Variants in INTS2 observed in about 807,000 individuals in gnomAD.
INTS2 encodes integrator complex subunit 2.
INTS2 carries 57 observed loss-of-function variants against 139.6 expected under a neutral mutation model. The ratio of observed to expected loss-of-function variants is 0.41; its 90% CI spans 0.33 to 0.51. The LOEUF (loss-of-function observed/expected upper bound fraction) is 0.51. Among genes scored for constraint, INTS2 ranks in the 20% least tolerant of loss-of-function variants. INTS2 has a pLI of 0.28. For missense variants in INTS2, 1,196 were observed against 1,436.7 expected, an observed-to-expected ratio of 0.83 and a Z score of 2.71; for synonymous variants, 473 against 493.4, an observed-to-expected ratio of 0.96 and a Z score of 0.55.
rs544093067 is a variant in INTS2 at position 61,869,243 on chromosome 17, A to G, written c.3138+30T>C. The G allele has an allele frequency of 3.4e-5, 52 of 1,511,956 alleles. No individual in the cohort carries two copies. Among genetic ancestry groups the G allele is most frequent in the East Asian group, 1.2e-4 (5 of 43,422 alleles). 93.7% of individuals were successfully genotyped at this position (1,511,956 alleles called of 1,614,324 possible). A position where few individuals can be genotyped will look rare whatever the true frequency, so the allele number is the denominator to read the frequency against. ...CTAGTAAGACTGGAGAGAGAGATCA[A>G]TTGTCCTAAAGCTCCAAAATGCTCA... On this transcript the variant is annotated intron_variant, in intron 22 of 24. Transcript: ENST00000251334. The surrounding 1 kb of genome is among the most constrained non-coding windows in gnomAD (Gnocchi z 5.4).
intron 7 of INTS2, 107 bp downstream of exon 7, chr17:61,911,413 G>C: frequency 1.1e-6 from 1 of 917,294 alleles, no homozygotes; most frequent in Non-Finnish European, 1.5e-6. Flanking sequence ...AAACTAGAAA[G>C]TGTGAGAACC....
intron 17 of INTS2, among the ~76,000 whole-genome samples, chr17:61,879,849 A>T (rs928272622): frequency 1.3e-5 from 2 of 152,190 alleles, no homozygotes; most frequent in African/African-American, 4.8e-5. Flanking sequence ...CAAAAAAAAT[A>T]AAGAAAAGAA....
Position 61,907,636 on chromosome 17 carries a change from TGAAA to T in INTS2, c.955-6_955-3del. The T allele has an allele frequency of 1.3e-6, 2 of 1,568,660 alleles. No individual in the cohort carries two copies. The highest frequency in any genetic ancestry group is 8.7e-7 in the Non-Finnish European group (1 of 1,154,898). Reference sequence around the variant, plus strand: ...AGAACTGCTGGTCTCTCTTTTTCTCTGAAAGAAATATGGATCACAAAAGGAAGAA... The same window carrying T: ...AGAACTGCTGGTCTCTCTTTTTCTCTGAAATATGGATCACAAAAGGAAGAA... On this transcript the variant is annotated splice_polypyrimidine_tract_variant and splice_region_variant and intron_variant, in intron 7 of 24. Coordinates refer to ENST00000251334, the MANE Select transcript of INTS2 (RefSeq NM_001351695.2).
intron 9 of INTS2, among the ~76,000 whole-genome samples, chr17:61,903,084 G>C (rs944111525): frequency 6.9e-6 from 1 of 145,552 alleles, no homozygotes; most frequent in African/African-American, 2.5e-5. Flanking sequence ...AGAATGGCGT[G>C]AACCTGGGAG....
At chr17:61,911,318 T>G in intron 7 of INTS2, 1 of 452,212 alleles carries the variant, frequency 2.2e-6, no homozygotes, top group East Asian at 3.3e-5. Context: ...ATTTCTAATA[T>G]GGTAAATATC....
At chr17:61,902,649 G>A (rs756220980) in intron 9 of INTS2, among the ~76,000 whole-genome samples, 3 of 151,742 alleles carry the variant, frequency 2.0e-5, no homozygotes, top group Non-Finnish European at 2.9e-5. Context: ...TGAGGTGGGA[G>A]GACTGTTTCA....
At chr17:61,927,058 C>T (rs994476685) in intron 1 of INTS2, 5 of 217,878 alleles carry the variant, frequency 2.3e-5, no homozygotes, top group Non-Finnish European at 4.7e-5. Flanking sequence ...ATGAGCTCCA[C>T]AAAATGTAAA....
Position 61,870,107 on chromosome 17 carries a change from A to C in INTS2, c.2779-119T>G. ...TAACTAATTTCTTAAACACACATAC[A>C]CAAAGAGGTACTTCTAAGAGCAGAA... is the stretch of plus-strand genomic sequence containing the variant. On this transcript the variant is annotated intron_variant, in intron 20 of 24. Transcript: ENST00000251334. The surrounding 1 kb of genome is among the most constrained non-coding windows in gnomAD (Gnocchi z 4.4). The C allele has an allele frequency of 1.1e-6, 1 of 939,592 alleles. No homozygotes were observed. Among genetic ancestry groups the C allele is most frequent in the Non-Finnish European group, 1.5e-6 (1 of 645,782 alleles). 58.2% of individuals were successfully genotyped at this position (939,592 alleles called of 1,614,324 possible).
chr17:61,901,859 A>G (rs1291428806), intron 9 of INTS2, among the ~76,000 whole-genome samples: 1 of 151,804 alleles, frequency 6.6e-6, no homozygotes, highest in African/African-American at 2.4e-5. Context: ...CAGCCTCCCA[A>G]AGTGCTGGGA....
intron 11 of INTS2, among the ~76,000 whole-genome samples, chr17:61,896,254 AAAAAAAAACATTTAATAT>A (rs2079348082): frequency 6.6e-6 from 1 of 150,840 alleles, no homozygotes; most frequent in East Asian, 1.9e-4. Flanking sequence ...AAAAAAAACA[AAAAAAAAACATTTAATAT>A]ACTACATAAA....
intron 15 of INTS2, among the ~76,000 whole-genome samples, chr17:61,885,543 T>C (rs1293078305): frequency 6.6e-6 from 1 of 151,436 alleles, no homozygotes; most frequent in Admixed American, 6.6e-5. Flanking sequence ...GCCTCTCAAG[T>C]AGATTGGCTG....
chr17:61,916,630 T>C (rs2079585808), intron 5 of INTS2, among the ~76,000 whole-genome samples: 1 of 152,136 alleles, frequency 6.6e-6, no homozygotes, highest in South Asian at 2.1e-4. Flanking sequence ...CTATCTTTTA[T>C]CATATACAAA....
intron 5 of INTS2, among the ~76,000 whole-genome samples, chr17:61,913,403 G>C (rs2079547750): frequency 6.6e-6 from 1 of 150,448 alleles, no homozygotes; most frequent in Non-Finnish European, 1.5e-5. Context: ...AAAGTAGCCA[G>C]AGGGAAAAAG....
At chr17:61,912,995 G>A (rs1369400561) in intron 5 of INTS2, among the ~76,000 whole-genome samples, 2 of 151,874 alleles carry the variant, frequency 1.3e-5, no homozygotes, top group Non-Finnish European at 2.9e-5. Flanking sequence ...AGAATCACTT[G>A]AACCCGGGAG....
intron 5 of INTS2, among the ~76,000 whole-genome samples, chr17:61,914,588 A>G (rs1296842062): frequency 2.0e-5 from 3 of 151,848 alleles, no homozygotes; most frequent in Admixed American, 6.6e-5. Context: ...CTGTAGTCCC[A>G]GCTACTCGGG....
Position 61,872,455 on chromosome 17 carries a change from G to T in INTS2, c.2588C>A (p.Pro863His). 1.3e-6 allele frequency: 2 copies of T among 1,558,846 alleles called. No homozygotes were observed. The highest frequency in any genetic ancestry group is 1.2e-5 in the South Asian group (1 of 81,984). ...GTGTAGGGTAATATCCATCAGTGGG[G>T]GGCATCTAAACAAGGAAAGCAGAAA... ...LRCDQRVHRC[P>H]PLMDITLHML... Residue 863 changes from proline to histidine, a missense_variant, in exon 20 of 25, where the codon CCC becomes CAC. By Grantham distance (77) the Pro-to-His change is moderately conservative. Around this residue, in one of 3 missense-constraint regions of INTS2, gnomAD observed 1,129 missense variants for 1,341.9 expected, o/e 0.84. Coordinates refer to ENST00000251334, the MANE Select transcript of INTS2 (RefSeq NM_001351695.2). This position sits in a 1 kb window ranked among gnomAD's most constrained non-coding sequence, Gnocchi z 4.8.
intron 8 of INTS2, among the ~76,000 whole-genome samples, 199 bp downstream of exon 8, chr17:61,907,209 C>T (rs894773712): frequency 7.2e-5 from 11 of 152,000 alleles, no homozygotes; most frequent in Non-Finnish European, 1.5e-4. Context: ...GTTCTGTTTA[C>T]AATCAGAACA....
intron 2 of INTS2, among the ~76,000 whole-genome samples, chr17:61,925,966 C>G (rs534044634): frequency 6.6e-6 from 1 of 151,854 alleles, no homozygotes; most frequent in Admixed American, 6.6e-5. Context: ...GCTGAGGTTG[C>G]AGTGAGCCAA....
intron 18 of INTS2, among the ~76,000 whole-genome samples, chr17:61,877,075 A>G (rs1260580839): frequency 1.3e-5 from 2 of 152,214 alleles, no homozygotes; most frequent in Non-Finnish European, 2.9e-5. Flanking sequence ...GGCAATGTGT[A>G]TTAGAAGAAG....
Sources: allele counts gnomAD v4.1 joint callset (sites outside exome capture counted in the v4.1 genomes callset), GRCh38; gene constraint gnomAD v4.1.1; regional missense constraint gnomAD v4.1.1; non-coding constraint Gnocchi (gnomAD v3.1); transcripts MANE v1.5; gene names NCBI Gene and HGNC (gene_info 2026-07-23, HGNC 2026-07-21).